The following INSC variants were observed in gnomAD, a reference collection of about 807,000 sequenced individuals.
The protein encoded by INSC is INSC spindle orientation adaptor protein, also known as protein inscuteable homolog.
In INSC, 67 loss-of-function variants were observed where a neutral mutation model predicts 58.6. That is an observed-to-expected ratio of 1.14 (90% confidence interval 0.94 to 1.40). INSC has a LOEUF of 1.40. Among genes scored for constraint, INSC ranks in the 40% most tolerant of loss-of-function variants. INSC has a pLI of 0.00. For missense variants in INSC, 714 were observed against 692.0 expected (o/e 1.03, Z -0.36); for synonymous variants, 262 against 276.1 (o/e 0.95, Z 0.51).
In INSC at chr11:15,204,374, T is replaced by C. The variant is rs190579721; in HGVS notation, c.819+3425T>C. Among the ~76,000 whole-genome samples, 636 of 152,348 alleles carry C rather than the reference T, an allele frequency of 4.2e-3. 4 individuals carry two copies. Among genetic ancestry groups the C allele is most frequent in the South Asian group, 0.015 (71 of 4,828 alleles). On this transcript the variant is annotated intron_variant, in intron 7 of 12. Transcript: ENST00000379556. ...AATTGTGCAGACCCAGGACTCAAAATCTGATATTGTGAGGCCAGTTTCCAT... is the reference window on the plus strand; with the variant it reads ...AATTGTGCAGACCCAGGACTCAAAACCTGATATTGTGAGGCCAGTTTCCAT...
intron 7 of INSC, among the ~76,000 whole-genome samples, chr11:15,220,936 G>A (rs1851412975): frequency 6.6e-6 from 1 of 152,172 alleles, no homozygotes; most frequent in South Asian, 2.1e-4. Flanking sequence ...GAAATACTAA[G>A]CTCATCCTGT....
rs1237428135 is a variant in INSC, at chr11:15,246,604, C to T, written c.*564C>T. On this transcript the variant is annotated 3_prime_UTR_variant, in exon 13 of 13. Transcript: ENST00000379556. ...TTTCATTCCCCAAAAACTTTTCCAA[C>T]CATTAAAAGTACACACAGAATTGTC... 6.6e-6 allele frequency: 1 copy of T among 152,606 alleles called. No individual in the cohort carries two copies. The highest frequency in any genetic ancestry group is 2.4e-5 in the African/African-American group (1 of 41,402). 9.5% of individuals were successfully genotyped at this position (152,606 alleles called of 1,614,324 possible). A position where few individuals can be genotyped will look rare whatever the true frequency, so the allele number is the denominator to read the frequency against.
chr11:15,264,189 G>T, the INSC span, among the ~76,000 whole-genome samples: 1 of 116,346 alleles, frequency 8.6e-6, no homozygotes, highest in Non-Finnish European at 1.8e-5. Context: ...GGCTGTCAGC[G>T]GGGGATAGCC....
At chr11:15,165,683 A>G (rs1849169870) in intron 2 of INSC, among the ~76,000 whole-genome samples, 1 of 152,138 alleles carries the variant, frequency 6.6e-6, no homozygotes, top group Non-Finnish European at 1.5e-5. Context: ...AGAAGTGATG[A>G]ATGTAACAGT....
At chr11:15,200,706 G>T (rs1850548838) in intron 6 of INSC, 118 bp from the exon 7 acceptor site, 5 of 1,337,736 alleles carry the variant, frequency 3.7e-6, no homozygotes. Context: ...GGCGGGGGTT[G>T]CTGGAGGCAG....
intron 2 of INSC, among the ~76,000 whole-genome samples, chr11:15,150,502 TA>T (rs1204488180): frequency 6.6e-6 from 1 of 152,210 alleles, no homozygotes; most frequent in African/African-American, 2.4e-5. Flanking sequence ...TGCACAAAAA[TA>T]AATAAACAAG....
chr11:15,187,803 T>A (rs1402663724), intron 5 of INSC, among the ~76,000 whole-genome samples: 1 of 152,220 alleles, frequency 6.6e-6, no homozygotes, highest in African/African-American at 2.4e-5. Context: ...TTCAGTCTTT[T>A]ACCACTCTTC....
chr11:15,118,271 A>G (rs916449411), intron 1 of INSC, among the ~76,000 whole-genome samples: 14 of 152,180 alleles, frequency 9.2e-5, no homozygotes. Flanking sequence ...TTATCTGCAG[A>G]GGTGCACCTC....
At chr11:15,244,480 C>T (rs1459631260) in intron 12 of INSC, among the ~76,000 whole-genome samples, 1 of 152,158 alleles carries the variant, frequency 6.6e-6, no homozygotes, top group Admixed American at 6.5e-5. Context: ...CCTGATTTCT[C>T]AGCAACAGGC....
rs540482289 is a variant in INSC, at chr11:15,220,366, C to T, written c.820-1111C>T. Among the ~76,000 whole-genome samples the T allele has an allele frequency of 3.3e-5, 5 of 152,240 alleles. No homozygotes were observed. In the East Asian group the frequency reaches 9.7e-4, roughly 29 times the overall value. ...CATGGTCCCCAGGCAGGCTGGTGTC[C>T]GGGGCATCTGAGGGGCTGCAGTAGC... On this transcript the variant is annotated intron_variant, in intron 7 of 12. Transcript: ENST00000379556.
chr11:15,113,317 C>T (rs1433948932), upstream of INSC, among the ~76,000 whole-genome samples: 5 of 151,936 alleles, frequency 3.3e-5, no homozygotes, highest in East Asian at 1.9e-4. Context: ...CATGACAACT[C>T]GCCCAGTTAA....
the INSC span, among the ~76,000 whole-genome samples, chr11:15,257,822 G>A: frequency 6.6e-6 from 1 of 152,132 alleles, no homozygotes; most frequent in Non-Finnish European, 1.5e-5. Context: ...TTCAGAGGGA[G>A]CACAGCCCTG....
chr11:15,220,445 G>A (rs1348294913), intron 7 of INSC, among the ~76,000 whole-genome samples: 2 of 152,306 alleles, frequency 1.3e-5, no homozygotes, highest in Middle Eastern at 3.4e-3. Flanking sequence ...AGCAAATCTT[G>A]TGTACTGACC....
intron 2 of INSC, among the ~76,000 whole-genome samples, chr11:15,160,985 T>C (rs1156605873): frequency 1.3e-5 from 2 of 152,220 alleles, no homozygotes; most frequent in African/African-American, 4.8e-5. Flanking sequence ...AGATATTGTA[T>C]GTGCAAGTTC....
chr11:15,163,975 C>T (rs1010074822), intron 2 of INSC, among the ~76,000 whole-genome samples: 2 of 152,128 alleles, frequency 1.3e-5, no homozygotes, highest in Admixed American at 6.5e-5. Context: ...TGTGTTTCTT[C>T]TTGTTTAGCC....
chr11:15,203,727 G>A (rs1850685968), intron 7 of INSC, among the ~76,000 whole-genome samples: 1 of 152,094 alleles, frequency 6.6e-6, no homozygotes, highest in Non-Finnish European at 1.5e-5. Flanking sequence ...TTGTCTTCAT[G>A]GAGATTACAT....
At chr11:15,244,717 G>A (rs944904676) in intron 12 of INSC, among the ~76,000 whole-genome samples, 1 of 152,140 alleles carries the variant, frequency 6.6e-6, no homozygotes, top group Non-Finnish European at 1.5e-5. Flanking sequence ...ATTAAGTGAG[G>A]TGCTATGGGG....
In INSC at chr11:15,163,144, A is replaced by G. The variant is rs571865809; in HGVS notation, c.57-12597A>G. Reference sequence around the variant, plus strand: ...CACTTGAAAGTCATTTTGAATGAATATAAAATCACTGGCTCACACTTTATT... The same window carrying G: ...CACTTGAAAGTCATTTTGAATGAATGTAAAATCACTGGCTCACACTTTATT... On this transcript the variant is annotated intron_variant, in intron 2 of 12. Transcript: ENST00000379556. Among the ~76,000 whole-genome samples the G allele has an allele frequency of 1.1e-4, 16 of 152,346 alleles. No individual in the cohort carries two copies. The South Asian group carries it at 3.3e-3, about 32-fold the overall frequency.
intron 7 of INSC, among the ~76,000 whole-genome samples, chr11:15,205,859 G>A (rs1322659492): frequency 6.6e-6 from 1 of 152,162 alleles, no homozygotes. Context: ...GACTGCAGAG[G>A]ACTGGGAGCC....
Sources: gnomAD v4.1 joint callset for allele counts (sites outside exome capture counted in the v4.1 genomes callset) on GRCh38, gnomAD v4.1.1 for gene constraint, MANE v1.5 for transcripts, NCBI Gene and HGNC (gene_info 2026-07-23, HGNC 2026-07-21) for gene names.